The following ROBO1 variants were observed in gnomAD, a reference collection of about 807,000 sequenced individuals.
ROBO1 encodes roundabout homolog 1.
In ROBO1, 149 loss-of-function variants were observed where a neutral mutation model predicts 195.9. The ratio of observed to expected loss-of-function variants is 0.76; its 90% CI spans 0.67 to 0.87. ROBO1 has a LOEUF of 0.87. Among genes scored for constraint, ROBO1 ranks in the 40% least tolerant of loss-of-function variants. ROBO1 has a pLI of 0.00. For missense variants in ROBO1, 1,933 were observed against 2,068.3 expected, an observed-to-expected ratio of 0.93 and a Z score of 1.27; for synonymous variants, 816 against 733.2, an observed-to-expected ratio of 1.11 and a Z score of -1.82.
intron 3 of ROBO1, among the ~76,000 whole-genome samples, chr3:79,121,369 G>A (rs1047108036): frequency 1.3e-5 from 2 of 152,016 alleles, no homozygotes; most frequent in East Asian, 1.9e-4. Context: ...GACAAAACAA[G>A]GTTTTGGGAT....
chr3:79,289,569 A>T (rs755143702), intron 2 of ROBO1, among the ~76,000 whole-genome samples: 1 of 152,164 alleles, frequency 6.6e-6, no homozygotes, highest in Non-Finnish European at 1.5e-5. Context: ...ACCTAGAGAG[A>T]TGTAAGCTTG....
chr3:79,144,313 A>T (rs62259698), intron 2 of ROBO1, among the ~76,000 whole-genome samples: 129 of 152,174 alleles, frequency 8.5e-4, no homozygotes, highest in Non-Finnish European at 1.5e-3. Flanking sequence ...AAAGCCACAC[A>T]TATATTCACA....
chr3:79,163,643 C>T (rs1030491021), intron 2 of ROBO1, among the ~76,000 whole-genome samples: 1 of 152,064 alleles, frequency 6.6e-6, no homozygotes, highest in Non-Finnish European at 1.5e-5. Context: ...ACATTTTGAA[C>T]AGTGCACAAG....
rs759018711 is a variant in ROBO1 at position 78,659,816 on chromosome 3, T to C, written c.2321-9A>G. 6.3e-7 allele frequency: 1 copy of C among 1,598,042 alleles called. No homozygotes were observed. The highest frequency in any genetic ancestry group is 1.3e-5 in the African/African-American group (1 of 74,440). On this transcript the variant is annotated splice_polypyrimidine_tract_variant and intron_variant, in intron 16 of 30. Transcript: ENST00000464233. ...GGGTGGGGCACTGGGTGCTATTAAATTGTTTTAAAAGGTAGGTTATTAGAA... is the reference window on the plus strand; with the variant it reads ...GGGTGGGGCACTGGGTGCTATTAAACTGTTTTAAAAGGTAGGTTATTAGAA...
intron 22 of ROBO1, among the ~76,000 whole-genome samples, chr3:78,639,308 T>G (rs1705772296): frequency 6.6e-6 from 1 of 151,318 alleles, no homozygotes; most frequent in Non-Finnish European, 1.5e-5. Flanking sequence ...AAAAAATATA[T>G]AAAAATTAGC....
chr3:79,174,256 C>A (rs1420653512), intron 2 of ROBO1, among the ~76,000 whole-genome samples: 2 of 152,054 alleles, frequency 1.3e-5, no homozygotes, highest in Admixed American at 6.5e-5. Flanking sequence ...CAGCTTCACT[C>A]CTGAAGCCAG....
chr3:79,463,352 G>A (rs1559917556), intron 2 of ROBO1, among the ~76,000 whole-genome samples: 2 of 150,814 alleles, frequency 1.3e-5, no homozygotes, highest in South Asian at 2.1e-4. Flanking sequence ...TCCAGCCTGG[G>A]TGACAGAGCA....
chr3:79,614,656 T>C (rs936686310), intron 1 of ROBO1, among the ~76,000 whole-genome samples: 1 of 152,092 alleles, frequency 6.6e-6, no homozygotes, highest in Non-Finnish European at 1.5e-5. Context: ...AACAAATAAA[T>C]GTAAGATTTC....
rs191592857 is a variant in ROBO1, at chr3:79,707,242, G to A, written c.-51+60510C>T. 7.9e-5 allele frequency among the ~76,000 whole-genome samples: 12 copies of A among 152,202 alleles called. No homozygotes were observed. The East Asian group carries it at 1.5e-3, about 20-fold the overall frequency. On this transcript the variant is annotated intron_variant, in intron 1 of 30. Coordinates refer to ENST00000464233, the MANE Select transcript of ROBO1 (RefSeq NM_002941.4). ...AGTACTGACATATGGTGTCTTTCAA[G>A]TAATCTGTCCATCTCATCTGGGTTA...
intron 22 of ROBO1, among the ~76,000 whole-genome samples, chr3:78,636,468 G>T (rs902700141): frequency 4.6e-5 from 7 of 151,766 alleles, no homozygotes; most frequent in African/African-American, 1.7e-4. Flanking sequence ...TTATTTTCTA[G>T]TCTTTGGTTA....
At chr3:79,477,410 A>G (rs1022073458) in intron 2 of ROBO1, among the ~76,000 whole-genome samples, 15 of 152,166 alleles carry the variant, frequency 9.9e-5, no homozygotes, top group African/African-American at 3.4e-4. Flanking sequence ...CTCAAGTTTG[A>G]ATAGGTATAA....
intron 3 of ROBO1, among the ~76,000 whole-genome samples, chr3:78,990,370 C>T (rs1009880245): frequency 1.3e-5 from 2 of 152,104 alleles, no homozygotes; most frequent in Non-Finnish European, 1.5e-5. Context: ...CCACCCGCTA[C>T]GAGCATATAT....
At chr3:79,055,048 C>G (rs1370443951) in intron 3 of ROBO1, among the ~76,000 whole-genome samples, 1 of 152,096 alleles carries the variant, frequency 6.6e-6, no homozygotes, top group Non-Finnish European at 1.5e-5. Flanking sequence ...CTACCTAATT[C>G]TTTGCCTTTA....
intron 1 of ROBO1, among the ~76,000 whole-genome samples, chr3:79,656,242 T>G (rs1438363518): frequency 6.8e-6 from 1 of 147,774 alleles, no homozygotes; most frequent in East Asian, 2.0e-4. Context: ...TATTTTTGCT[T>G]TTTTTTTTTA....
intron 2 of ROBO1, among the ~76,000 whole-genome samples, chr3:79,142,385 G>A (rs1381536795): frequency 6.6e-6 from 1 of 152,128 alleles, no homozygotes; most frequent in East Asian, 1.9e-4. Flanking sequence ...CTTCTTCTGG[G>A]AGTCAAGTGA....
At chr3:79,502,493 C>A (rs1035648118) in intron 2 of ROBO1, among the ~76,000 whole-genome samples, 16 of 152,106 alleles carry the variant, frequency 1.1e-4, no homozygotes, top group Admixed American at 2.0e-4. Context: ...GAGTCTCCCC[C>A]CGCCCCTTCC....
At chr3:78,928,837 C>G (rs930923915) in intron 4 of ROBO1, among the ~76,000 whole-genome samples, 1 of 152,132 alleles carries the variant, frequency 6.6e-6, no homozygotes, top group Admixed American at 6.5e-5. Flanking sequence ...AATGCTGGCT[C>G]TTAATCCATT....
chr3:78,668,072 G>C, intron 13 of ROBO1, 23 bp from the exon 14 acceptor site: 1 of 1,612,408 alleles, frequency 6.2e-7, no homozygotes, highest in Non-Finnish European at 8.5e-7. Flanking sequence ...ACACAGGTTA[G>C]AACATGCGTA....
In ROBO1 at chr3:78,758,415, T is replaced by G. The variant is rs193068581; in HGVS notation, c.500-11515A>C. 5.4e-3 allele frequency among the ~76,000 whole-genome samples: 820 copies of G among 151,364 alleles called. 4 individuals are homozygous for G. Among genetic ancestry groups the G allele is most frequent in the Non-Finnish European group, 7.5e-3 (508 of 67,900 alleles). On this transcript the variant is annotated intron_variant, in intron 4 of 30. Transcript: ENST00000464233. ...TGGCACAGGCCTGTAGTCCCGCTAC[T>G]TGGAAGGCTGAGGTGGGAGGATTGC...
Sources: allele counts gnomAD v4.1 joint callset (sites outside exome capture counted in the v4.1 genomes callset), GRCh38; gene constraint gnomAD v4.1.1; transcripts MANE v1.5; gene names NCBI Gene and HGNC (gene_info 2026-07-23, HGNC 2026-07-21).